MOCOS: variants seen among roughly 807,000 people sequenced by gnomAD.
MOCOS encodes the protein human molybdenum cofactor sulfurase.
Under a neutral mutation model 83.6 loss-of-function variants are expected in MOCOS, and 86 were observed. That is an observed-to-expected ratio of 1.03 (90% CI 0.86 to 1.23). The LOEUF is 1.23. MOCOS is among the 50% of genes most tolerant of loss of function. The pLI, the probability that MOCOS is intolerant of heterozygous loss-of-function variation, is 0.00. For synonymous variants in MOCOS, 445 were observed against 434.7 expected, an observed-to-expected ratio of 1.02 and a Z score of -0.29; for missense variants, 1,120 against 1,126.9, an observed-to-expected ratio of 0.99 and a Z score of 0.09.
intron 6 of MOCOS, among the ~76,000 whole-genome samples, chr18:36,210,876 A>AAAAAAAAAAAAAAAAAAAAG (rs2091453051): frequency 7.1e-6 from 1 of 140,024 alleles, no homozygotes; most frequent in Non-Finnish European, 1.6e-5. Context: ...AAAAAAAAAA[A>AAAAAAAAAAAAAAAAAAAAG]AAAAGTAACT....
intron 9 of MOCOS, among the ~76,000 whole-genome samples, chr18:36,241,411 T>C (rs1008988609): frequency 6.6e-6 from 1 of 152,192 alleles, no homozygotes; most frequent in African/African-American, 2.4e-5. Context: ...CATTAAATCT[T>C]AAAGGTTCAA....
At chr18:36,264,569 C>G (rs1192499147) in intron 13 of MOCOS, among the ~76,000 whole-genome samples, 1 of 152,096 alleles carries the variant, frequency 6.6e-6, no homozygotes, top group Non-Finnish European at 1.5e-5. Flanking sequence ...TCCTTGTATC[C>G]CTGATGTAGT....
chr18:36,260,591 T>C (rs2091660408), intron 13 of MOCOS, among the ~76,000 whole-genome samples: 1 of 152,160 alleles, frequency 6.6e-6, no homozygotes, highest in Non-Finnish European at 1.5e-5. Context: ...CCACCCACTC[T>C]TCCACACGCT....
chr18:36,195,831 G>A (rs1236313492), intron 2 of MOCOS, among the ~76,000 whole-genome samples: 1 of 152,224 alleles, frequency 6.6e-6, no homozygotes, highest in Non-Finnish European at 1.5e-5. Context: ...AAATAGATGT[G>A]ATTACCAACT....
rs759627383 is a variant in MOCOS at position 36,200,165 on chromosome 18, C to T, written c.782C>T (p.Ser261Phe). ...SAHQADFVPI[S>F]FYKIFGFPTG... ...CACCAGGCCGACTTTGTCCCCATCT[C>T]CTTCTATAAGATCTTCGGGTTTCCT... Residue 261 changes from serine to phenylalanine, a missense_variant, in exon 4 of 15, where the codon TCC (serine) becomes TTC (phenylalanine). By Grantham distance (155) the Ser-to-Phe change is radical. Coordinates refer to ENST00000261326, the MANE Select transcript of MOCOS (RefSeq NM_017947.4). The T allele has an allele frequency of 6.2e-6, 10 of 1,614,242 alleles. No homozygotes were observed. The South Asian group carries it at 1.1e-4, about 18-fold the overall frequency.
chr18:36,245,299 A>AT (rs1214480880), intron 9 of MOCOS, among the ~76,000 whole-genome samples: 12 of 151,476 alleles, frequency 7.9e-5, no homozygotes, highest in East Asian at 5.8e-4. Context: ...TTCTTTTACC[A>AT]TTTTTTTTGT....
intron 12 of MOCOS, among the ~76,000 whole-genome samples, chr18:36,259,145 A>G (rs911031661): frequency 9.2e-5 from 14 of 152,148 alleles, no homozygotes; most frequent in Admixed American, 8.5e-4. Flanking sequence ...TTACAAAAAT[A>G]AGAGTTACAA....
intron 9 of MOCOS, among the ~76,000 whole-genome samples, chr18:36,242,119 G>A (rs2091586028): frequency 6.6e-6 from 1 of 152,198 alleles, no homozygotes; most frequent in African/African-American, 2.4e-5. Flanking sequence ...TTCTACAGCA[G>A]CGTTGAATTT....
intron 9 of MOCOS, among the ~76,000 whole-genome samples, chr18:36,240,252 C>T (rs1394208292): frequency 1.7e-5 from 2 of 120,826 alleles, no homozygotes; most frequent in Non-Finnish European, 3.4e-5. Context: ...TGTTTTTTCC[C>T]CATCTTTGTG....
In MOCOS at chr18:36,271,334, T is replaced by C. The variant is rs1346000492; in HGVS notation, c.*2649T>C. 2 of 152,134 alleles carry C rather than the reference T, an allele frequency of 1.3e-5. No individual in the cohort carries two copies. The highest frequency in any genetic ancestry group is 2.4e-5 in the African/African-American group (1 of 41,460). The allele number at this position is 152,134 out of a possible 1,614,324, so 9.4% of individuals were successfully genotyped here. ...TTTAAAGCTGCCCCTATTTTTATCATTAATTGATTGAATATTAATTAAATA... is the reference window on the plus strand; with the variant it reads ...TTTAAAGCTGCCCCTATTTTTATCACTAATTGATTGAATATTAATTAAATA... On this transcript the variant is annotated 3_prime_UTR_variant, in exon 15 of 15. Transcript: ENST00000261326.
At chr18:36,230,811 A>C in intron 9 of MOCOS, among the ~76,000 whole-genome samples, 1 of 152,034 alleles carries the variant, frequency 6.6e-6, no homozygotes, top group Non-Finnish European at 1.5e-5. Context: ...AAATCTCCCT[A>C]CCAGTTTCAG....
At position 36,243,580 on chromosome 18, in the gene MOCOS, TG is replaced by T. The variant is rs376742746; in HGVS notation, c.1961-5341del. Among the ~76,000 whole-genome samples the T allele has an allele frequency of 6.5e-4, 99 of 152,150 alleles. 2 individuals are homozygous for T. The highest frequency in any genetic ancestry group is 3.1e-3 in the East Asian group (16 of 5,180). On this transcript the variant is annotated intron_variant, in intron 9 of 14. Coordinates refer to ENST00000261326, the MANE Select transcript of MOCOS (RefSeq NM_017947.4). ...ATATTTGTCTGTAGTTTTCTTTTTT[TG>T]TTGTTATGTCCTTTCCTGGTTTTGG...
chr18:36,208,206 T>C (rs1314774484), intron 6 of MOCOS, among the ~76,000 whole-genome samples: 2 of 152,234 alleles, frequency 1.3e-5, no homozygotes, highest in Non-Finnish European at 2.9e-5. Flanking sequence ...AGCCTTGTAG[T>C]ATAGTTTGAT....
intron 13 of MOCOS, among the ~76,000 whole-genome samples, chr18:36,263,872 G>A (rs1411540811): frequency 1.3e-5 from 2 of 152,158 alleles, no homozygotes; most frequent in Non-Finnish European, 2.9e-5. Flanking sequence ...TAAGAAAATT[G>A]TTTCTTTTGT....
intron 2 of MOCOS, among the ~76,000 whole-genome samples, chr18:36,195,903 T>A (rs905282010): frequency 2.0e-5 from 3 of 151,048 alleles, no homozygotes; most frequent in Non-Finnish European, 4.4e-5. Flanking sequence ...GCAGTGACAG[T>A]GGGGTTGGCT....
In MOCOS at chr18:36,215,601, C is replaced by A. The variant is rs201559593; in HGVS notation, c.1421C>A (p.Thr474Lys). Residue 474 changes from threonine (T) to lysine (K), a missense_variant, in exon 8 of 15, where the codon ACG (threonine) becomes AAG (lysine). Thr to Lys is a moderately conservative substitution (Grantham distance 78). Transcript: ENST00000261326. ...AGGATTTCATTTGGATACATGTCGA[C>A]GCTGGATGATGTCCAGGCCTTTCTT... The part of the protein sequence containing the change: ...SVRISFGYMS[T>K]LDDVQAFLRF... 1.2e-6 allele frequency: 2 copies of A among 1,614,122 alleles called. No individual in the cohort carries two copies. Among genetic ancestry groups the A allele is most frequent in the Non-Finnish European group, 1.7e-6 (2 of 1,180,030 alleles).
At chr18:36,216,345 T>C (rs983680184) in intron 8 of MOCOS, among the ~76,000 whole-genome samples, 1 of 152,224 alleles carries the variant, frequency 6.6e-6, no homozygotes, top group African/African-American at 2.4e-5. Flanking sequence ...TTTATAGATA[T>C]GGAGCCTGAG....
rs1324379992 is a variant in MOCOS at position 36,193,260 on chromosome 18, G to A, written c.143-1997G>A. Among the ~76,000 whole-genome samples the A allele has an allele frequency of 1.6e-4, 21 of 132,398 alleles. No homozygotes were observed. The Admixed American group carries it at 1.6e-3, about 10-fold the overall frequency. 86.9% of individuals were successfully genotyped at this position (132,398 alleles called of 152,430 possible). A position where few individuals can be genotyped will look rare whatever the true frequency, so the allele number is the denominator to read the frequency against. ...CGGGAAGCGGAGCTTGCAGTGAGCC[G>A]AGATTGCGCCACTGCAGTCCGCAGT... is the stretch of plus-strand genomic sequence containing the variant. On this transcript the variant is annotated intron_variant, in intron 1 of 14. Coordinates refer to ENST00000261326, the MANE Select transcript of MOCOS (RefSeq NM_017947.4).
chr18:36,228,829 A>G (rs62103127), intron 9 of MOCOS, among the ~76,000 whole-genome samples: 44,771 of 148,920 alleles, frequency 0.3, 7,303 homozygotes, highest in South Asian at 0.51. Flanking sequence ...CACGGAACTT[A>G]AAAGTTGAAA....
Sources: allele counts gnomAD v4.1 joint callset (sites outside exome capture counted in the v4.1 genomes callset), GRCh38; gene constraint gnomAD v4.1.1; transcripts MANE v1.5; gene names NCBI Gene and HGNC (gene_info 2026-07-23, HGNC 2026-07-21).